Variants in ACIN1 observed in about 807,000 individuals in gnomAD.
ACIN1 encodes the protein apoptotic chromatin condensation inducer in the nucleus.
In ACIN1, 16 loss-of-function variants were observed where a neutral mutation model predicts 146.6. The ratio of observed to expected loss-of-function variants is 0.11; its 90% CI spans 0.07 to 0.17. ACIN1 has a LOEUF of 0.17. Among genes scored for constraint, ACIN1 ranks in the 10% least tolerant of loss-of-function variants. The pLI is 1.00. For synonymous variants in ACIN1, 569 were observed against 582.7 expected, an observed-to-expected ratio of 0.98 and a Z score of 0.34; for missense variants, 1,357 against 1,609.3, an observed-to-expected ratio of 0.84 and a Z score of 2.68.
chr14:23,093,468 T>C lies in ACIN1; in HGVS notation c.204+11A>G. ...AAGGGCCCACTCCATTGAATACACC[T>C]TCTTTCTCACCTGGGAATTTGGCTG... On this transcript the variant is annotated intron_variant, in intron 2 of 18. Coordinates refer to ENST00000605057, the MANE Select transcript of ACIN1 (RefSeq NM_001386863.1). 6.2e-7 allele frequency: 1 copy of C among 1,612,940 alleles called. No homozygotes were observed. Among genetic ancestry groups the C allele is most frequent in the Non-Finnish European group, 8.5e-7 (1 of 1,178,942 alleles).
Position 23,064,442 on chromosome 14 carries a change from G to C in ACIN1, c.2355C>G (p.Gly785=). The change falls in exon 11 of 19, where the codon GGC becomes GGG. Residue 785 remains glycine (G), a synonymous_variant. Coordinates refer to ENST00000605057, the MANE Select transcript of ACIN1 (RefSeq NM_001386863.1). ...VPAGNSDTEG[G]QPGRKRRWGA... ...CCCAGCGTCGTTTCCGACCAGGCTG[G>C]CCCCCCTCTGTGTCACTGTTTCCAG... The C allele has an allele frequency of 1.2e-6, 2 of 1,614,220 alleles. No homozygotes were observed. Among genetic ancestry groups the C allele is most frequent in the Non-Finnish European group, 1.7e-6 (2 of 1,180,044 alleles).
chr14:23,089,504 C>T (rs770693087), intron 4 of ACIN1, among the ~76,000 whole-genome samples: 3 of 152,176 alleles, frequency 2.0e-5, no homozygotes, highest in South Asian at 2.1e-4. Context: ...AACTAATGTC[C>T]ATGTCCTCAC....
At chr14:23,078,049 T>C in intron 8 of ACIN1, 102 bp downstream of exon 8, 5 of 1,045,064 alleles carry the variant, frequency 4.8e-6, no homozygotes, top group Non-Finnish European at 7.1e-6. Flanking sequence ...CTTTATGTTT[T>C]AAAAGGAAAC....
intron 3 of ACIN1, 78 bp downstream of exon 3, chr14:23,090,444 T>C (rs890326036): frequency 8.0e-6 from 10 of 1,257,816 alleles, no homozygotes; most frequent in Non-Finnish European, 1.0e-5. Flanking sequence ...TGAAATTGTC[T>C]AGTTAGACAG....
chr14:23,059,358 G>T lies in ACIN1; in HGVS notation c.3642C>A (p.Asn1214Lys). 1 of 1,611,872 alleles carries T rather than the reference G, an allele frequency of 6.2e-7. No individual in the cohort carries two copies. The highest frequency in any genetic ancestry group is 8.5e-7 in the Non-Finnish European group (1 of 1,178,156). ...GACGTTTCTCTCGCTCCAGCTGTCG[G>T]TTCCGTTCCCGCTCGGCTTCCTTCT... ...EREKEAERER[N>K]RQLEREKRRE... Residue 1214 changes from asparagine to lysine, a missense_variant, in exon 19 of 19, where the codon AAC (asparagine) becomes AAA (lysine). Asn to Lys is a moderately conservative substitution (Grantham distance 94). Transcript: ENST00000605057.
chr14:23,068,567 T>C lies in ACIN1; in HGVS notation c.2265+909A>G. 1 of 985,882 alleles carries C rather than the reference T, an allele frequency of 1.0e-6. No individual in the cohort carries two copies. The highest frequency in any genetic ancestry group is 1.2e-6 in the Non-Finnish European group (1 of 829,946). 61.1% of individuals were successfully genotyped at this position (985,882 alleles called of 1,614,324 possible). A position where few individuals can be genotyped will look rare whatever the true frequency, so the allele number is the denominator to read the frequency against. Reference sequence around the variant, plus strand: ...CCTGGATAGCAGACTTGGCTCTGATTGGGCAGCTCAGTAGCAGCGGGTGGG... The same window carrying C: ...CCTGGATAGCAGACTTGGCTCTGATCGGGCAGCTCAGTAGCAGCGGGTGGG... On this transcript the variant is annotated intron_variant, in intron 9 of 18. Coordinates refer to ENST00000605057, the MANE Select transcript of ACIN1 (RefSeq NM_001386863.1). The surrounding 1 kb of genome is among the most constrained non-coding windows in gnomAD (Gnocchi z 4.3).
chr14:23,063,532 C>T lies in ACIN1; in HGVS notation c.2641G>A (p.Glu881Lys), dbSNP rs2140011354. The change falls in exon 13 of 19, where the codon GAA becomes AAA. Residue 881 changes from glutamate (E) to lysine (K), a missense_variant. Physicochemically the swap from Glu to Lys is moderately conservative, Grantham distance 56 (BLOSUM62 1). Coordinates refer to ENST00000605057, the MANE Select transcript of ACIN1 (RefSeq NM_001386863.1). ...GQENGQREEE[E>K]EEKEPEAEPP... is the part of the protein sequence containing the mutation. Reference sequence around the variant, plus strand: ...TCTGCTTCAGGTTCCTTCTCTTCTTCCTCTTCTTCCCTCTGCCCATTCTCC... The same window carrying T: ...TCTGCTTCAGGTTCCTTCTCTTCTTTCTCTTCTTCCCTCTGCCCATTCTCC... 6.2e-7 allele frequency: 1 copy of T among 1,614,030 alleles called. No homozygotes were observed. Among genetic ancestry groups the T allele is most frequent in the Non-Finnish European group, 8.5e-7 (1 of 1,180,008 alleles).
intron 8 of ACIN1, among the ~76,000 whole-genome samples, chr14:23,075,521 A>G (rs2047776464): frequency 6.6e-6 from 1 of 152,142 alleles, no homozygotes; most frequent in South Asian, 2.1e-4. Context: ...TTCCTCAGGC[A>G]CAATCAGAAT....
At chr14:23,088,252 G>A (rs911005639) in intron 4 of ACIN1, among the ~76,000 whole-genome samples, 3 of 152,176 alleles carry the variant, frequency 2.0e-5, no homozygotes, top group Admixed American at 6.5e-5. Flanking sequence ...GGCGCAGGGA[G>A]CAAAGTGGAT....
chr14:23,066,624 GA>G (rs2047466185), intron 9 of ACIN1: 1 of 152,330 alleles, frequency 6.6e-6, no homozygotes, highest in South Asian at 2.1e-4. Flanking sequence ...AGACCCACTG[GA>G]GATGAGGCTC....
At position 23,095,041 on chromosome 14, in the gene ACIN1, G is replaced by A. The variant is rs1411997945; in HGVS notation, c.72C>T (p.Ala24=). The A allele has an allele frequency of 2.5e-6, 4 of 1,613,372 alleles. No homozygotes were observed. Among genetic ancestry groups the A allele is most frequent in the African/African-American group, 1.3e-5 (1 of 75,050 alleles). Residue 24 remains alanine, a synonymous_variant, in exon 1 of 19, where the codon GCC becomes GCT. Transcript: ENST00000605057. ...LQALRVTDLK[A]ALEQRGLAKS... Reference sequence around the variant, plus strand: ...TGGCTAGGCCTCGCTGCTCCAGTGCGGCCTTCAGGTCGGTCACCCGCAGCG... The same window carrying A: ...TGGCTAGGCCTCGCTGCTCCAGTGCAGCCTTCAGGTCGGTCACCCGCAGCG...
intron 4 of ACIN1, among the ~76,000 whole-genome samples, chr14:23,084,921 G>A (rs1053215999): frequency 6.6e-6 from 1 of 152,008 alleles, no homozygotes; most frequent in Non-Finnish European, 1.5e-5. Flanking sequence ...TATAAAATAA[G>A]TAAAACCAAA....
intron 4 of ACIN1, among the ~76,000 whole-genome samples, chr14:23,086,880 T>C (rs961538057): frequency 6.6e-6 from 1 of 152,184 alleles, no homozygotes; most frequent in African/African-American, 2.4e-5. Flanking sequence ...TGAAAAACTC[T>C]TCCTTCAGTT....
rs779106441 is a variant in ACIN1 at position 23,090,058 on chromosome 14, T to C, written c.360A>G (p.Gly120=). 1 of 1,613,876 alleles carries C rather than the reference T, an allele frequency of 6.2e-7. No homozygotes were observed. Among genetic ancestry groups the C allele is most frequent in the South Asian group, 1.1e-5 (1 of 91,000 alleles). ...AGTCAGGAGGCAGCAGGGAAGCCAC[T>C]CCCTCAGGATGGATCATCTCGTCCT... ...ESEDEMIHPE[G]VASLLPPDFQ... Residue 120 remains glycine (G), a synonymous_variant, in exon 4 of 19, where the codon GGA becomes GGG. Coordinates refer to ENST00000605057, the MANE Select transcript of ACIN1 (RefSeq NM_001386863.1).
chr14:23,061,701 C>T (rs533619903), intron 16 of ACIN1, 79 bp from the exon 17 acceptor site: 311 of 1,293,160 alleles, frequency 2.4e-4, no homozygotes, highest in Middle Eastern at 1.7e-3. Context: ...TGGCCGGGCG[C>T]GGTGGCTCAC....
chr14:23,090,625 C>G lies in ACIN1; in HGVS notation c.213G>C (p.Glu71Asp). Reference sequence around the variant, plus strand: ...TTATGAAACTGTTCTGGCTCATTTCCTCACCAATCTGTGTAGAGGAAATGA... The same window carrying G: ...TTATGAAACTGTTCTGGCTCATTTCGTCACCAATCTGTGTAGAGGAAATGA... ...AAFQPNSQIG[E>D]EMSQNSFIKQ... The change falls in exon 3 of 19, where the codon GAG (glutamate) becomes GAC (aspartate). Residue 71 changes from glutamate to aspartate, a missense_variant. Glu to Asp is a conservative substitution (Grantham distance 45). Around this residue, in one of 4 missense-constraint regions of ACIN1, gnomAD observed 55 missense variants for 123.9 expected, o/e 0.44. Transcript: ENST00000605057. 1 of 1,613,498 alleles carries G rather than the reference C, an allele frequency of 6.2e-7. No homozygotes were observed. Among genetic ancestry groups the G allele is most frequent in the Non-Finnish European group, 8.5e-7 (1 of 1,179,792 alleles).
intron 4 of ACIN1, among the ~76,000 whole-genome samples, chr14:23,089,189 T>C (rs1194951962): frequency 6.6e-6 from 1 of 152,154 alleles, no homozygotes; most frequent in Non-Finnish European, 1.5e-5. Flanking sequence ...TACAGGTGCC[T>C]GCCACCATAC....
chr14:23,079,028 G>A lies in ACIN1; in HGVS notation c.1799C>T (p.Pro600Leu). The A allele has an allele frequency of 6.2e-7, 1 of 1,613,882 alleles. No individual in the cohort carries two copies. ...GGTGCTGCTGTCCCTGGAGACTCCA[G>A]GGCTCAGAGACTAAAACAAAATGAA... ...ASSNSRKSLSPGVSRDSSTSY... is the reference protein window; with the variant it reads ...ASSNSRKSLSLGVSRDSSTSY... The change falls in exon 7 of 19, where the codon CCT (proline) becomes CTT (leucine). Residue 600 changes from proline to leucine, a missense_variant. Pro to Leu is a moderately conservative substitution (Grantham distance 98, BLOSUM62 -3). This residue lies in a region of ACIN1 where 771 missense variants were observed against 746.6 expected (regional missense o/e 1.03). Coordinates refer to ENST00000605057, the MANE Select transcript of ACIN1 (RefSeq NM_001386863.1).
rs2140056222 is a variant in ACIN1, at chr14:23,068,938, A to T, written c.2265+538T>A. 1 of 985,560 alleles carries T rather than the reference A, an allele frequency of 1.0e-6. No individual in the cohort carries two copies. Among genetic ancestry groups the T allele is most frequent in the African/African-American group, 1.7e-5 (1 of 57,358 alleles). 61.1% of individuals were successfully genotyped at this position (985,560 alleles called of 1,614,324 possible). On this transcript the variant is annotated intron_variant, in intron 9 of 18. Transcript: ENST00000605057. The surrounding 1 kb of genome is among the most constrained non-coding windows in gnomAD (Gnocchi z 4.3). ...GATAACATATGCCAAAAAAGGAGGT[A>T]GAGGGGTCACAGGTAACTGAGAATG...
Sources: gnomAD v4.1 joint callset for allele counts (sites outside exome capture counted in the v4.1 genomes callset) on GRCh38, gnomAD v4.1.1 for gene constraint, gnomAD v4.1.1 regional missense constraint, Gnocchi (gnomAD v3.1) non-coding constraint, MANE v1.5 for transcripts, NCBI Gene and HGNC (gene_info 2026-07-23, HGNC 2026-07-21) for gene names.